Variants in PTPRN2 observed in about 807,000 individuals in gnomAD.
PTPRN2 encodes the protein receptor-type tyrosine-protein phosphatase N2.
In PTPRN2, 74 loss-of-function variants were observed where a neutral mutation model predicts 118.8. That is an observed-to-expected ratio of 0.62 (90% confidence interval 0.52 to 0.76). The LOEUF (loss-of-function observed/expected upper bound fraction) is 0.76. Among genes scored for constraint, PTPRN2 ranks in the 30% least tolerant of loss-of-function variants. The probability of loss-of-function intolerance (pLI) is 0.00; values close to 1 mark genes in which losing one functional copy is unlikely to be tolerated. For synonymous variants in PTPRN2, 641 were observed against 608.0 expected (o/e 1.05, Z -0.80); for missense variants, 1,481 against 1,394.4 (o/e 1.06, Z -0.99).
chr7:158,412,375 C>T (rs1436052348), intron 2 of PTPRN2, among the ~76,000 whole-genome samples: 1 of 111,526 alleles, frequency 9.0e-6, no homozygotes, highest in Admixed American at 8.2e-5. Context: ...ATCTCAGCAC[C>T]CTCCTCAACA....
chr7:157,574,043 C>T (rs998433941), intron 19 of PTPRN2, among the ~76,000 whole-genome samples: 7 of 152,172 alleles, frequency 4.6e-5, no homozygotes, highest in South Asian at 2.1e-4. Context: ...CACAAGAGTT[C>T]ATCCGGTTGA....
At chr7:157,834,889 G>A (rs1807827867) in intron 12 of PTPRN2, among the ~76,000 whole-genome samples, 1 of 152,180 alleles carries the variant, frequency 6.6e-6, no homozygotes, top group South Asian at 2.1e-4. Context: ...CAAAACCAGG[G>A]ATTTTCCTGC....
In PTPRN2 at chr7:157,710,274, C is replaced by T. The variant is rs76133873; in HGVS notation, c.1789-27337G>A. 6.3e-3 allele frequency among the ~76,000 whole-genome samples: 961 copies of T among 152,270 alleles called. 6 individuals are homozygous for T. Among genetic ancestry groups the T allele is most frequent in the African/African-American group, 0.02 (819 of 41,554 alleles). On this transcript the variant is annotated intron_variant, in intron 12 of 22. Transcript: ENST00000389418. The stretch of plus-strand genomic sequence containing the variant: ...AAGAGAATCCTCATTTCTCAGCACA[C>T]GGACTTCTGATGTGAGAAGACAGTG...
At chr7:158,554,624 T>C (rs756054602) in intron 1 of PTPRN2, among the ~76,000 whole-genome samples, 1 of 152,176 alleles carries the variant, frequency 6.6e-6, no homozygotes, top group Non-Finnish European at 1.5e-5. Context: ...TATTTGAGAT[T>C]TGAACAAAAC....
intron 21 of PTPRN2, among the ~76,000 whole-genome samples, chr7:157,552,815 C>T (rs1481327229): frequency 6.6e-6 from 1 of 152,192 alleles, no homozygotes; most frequent in East Asian, 1.9e-4. Flanking sequence ...CGTGCCTATG[C>T]TGGGCCTGGC....
intron 2 of PTPRN2, among the ~76,000 whole-genome samples, chr7:158,479,255 C>T (rs559857849): frequency 6.6e-6 from 1 of 151,976 alleles, no homozygotes; most frequent in Admixed American, 6.6e-5. Flanking sequence ...AGGTACTCAG[C>T]CTGGACTTTC....
intron 11 of PTPRN2, among the ~76,000 whole-genome samples, chr7:158,011,050 C>G (rs73745062): frequency 8.9e-4 from 135 of 152,326 alleles, no homozygotes; most frequent in African/African-American, 3.2e-3. Flanking sequence ...CACCTTGCAC[C>G]TTGCACAGAG....
At chr7:158,227,667 T>C (rs966182280) in intron 3 of PTPRN2, among the ~76,000 whole-genome samples, 1 of 152,188 alleles carries the variant, frequency 6.6e-6, no homozygotes, top group Non-Finnish European at 1.5e-5. Context: ...TTACGGAAGA[T>C]GAATGTGCAG....
At chr7:158,361,966 CCT>C in intron 2 of PTPRN2, among the ~76,000 whole-genome samples, 1 of 151,468 alleles carries the variant, frequency 6.6e-6, no homozygotes, top group East Asian at 1.9e-4. Flanking sequence ...TTCTCTCCTC[CCT>C]TCGTTTCTTG....
chr7:158,328,399 G>T lies in PTPRN2; in HGVS notation c.164-11467C>A, dbSNP rs1803827273. On this transcript the variant is annotated intron_variant, in intron 2 of 22. Transcript: ENST00000389418. Reference sequence around the variant, plus strand: ...GATAAGCCGAGACCCTATATCGCTGGAAATTCCTTTATTTTCAAGGATTTC... The same window carrying T: ...GATAAGCCGAGACCCTATATCGCTGTAAATTCCTTTATTTTCAAGGATTTC... Among the ~76,000 whole-genome samples the T allele has an allele frequency of 2.6e-5, 4 of 152,340 alleles. No individual in the cohort carries two copies. In the South Asian group the frequency reaches 8.3e-4, roughly 32 times the overall value.
intron 2 of PTPRN2, among the ~76,000 whole-genome samples, chr7:158,321,779 TCA>T (rs1491058981): frequency 1.6e-5 from 2 of 128,718 alleles, no homozygotes; most frequent in African/African-American, 5.5e-5. Flanking sequence ...ATCAAAACAC[TCA>T]TGTGTGCAAA....
At chr7:158,374,679 A>G (rs7807819) in intron 2 of PTPRN2, among the ~76,000 whole-genome samples, 2,278 of 152,322 alleles carry the variant, frequency 0.015, 56 homozygotes, top group African/African-American at 0.052. Flanking sequence ...AAGTGGACAG[A>G]TGGAGGCTGG....
intron 2 of PTPRN2, among the ~76,000 whole-genome samples, chr7:158,353,539 A>G (rs1030049184): frequency 1.3e-5 from 2 of 152,200 alleles, no homozygotes; most frequent in African/African-American, 4.8e-5. Flanking sequence ...ACGGCAGGAC[A>G]GGAGCAAGCT....
At chr7:158,511,714 C>A (rs567312371) in intron 1 of PTPRN2, among the ~76,000 whole-genome samples, 1 of 152,228 alleles carries the variant, frequency 6.6e-6, no homozygotes, top group African/African-American at 2.4e-5. Flanking sequence ...GTGCAAGACA[C>A]GGTGGGAGGC....
intron 12 of PTPRN2, among the ~76,000 whole-genome samples, chr7:157,786,485 T>C (rs75463967): frequency 0.018 from 2,723 of 152,316 alleles, 85 homozygotes; most frequent in South Asian, 0.12. Context: ...CTGTCCCAGC[T>C]GTGGATGGCA....
intron 15 of PTPRN2, among the ~76,000 whole-genome samples, chr7:157,613,562 C>T (rs552985625): frequency 2.0e-5 from 3 of 152,202 alleles, no homozygotes; most frequent in African/African-American, 2.4e-5. Context: ...GCGGGCTCCT[C>T]GCTGAGCCGC....
At chr7:157,878,014 G>A (rs1012165876) in intron 12 of PTPRN2, among the ~76,000 whole-genome samples, 4 of 152,362 alleles carry the variant, frequency 2.6e-5, no homozygotes, top group African/African-American at 4.8e-5. Flanking sequence ...TTCTTGATGC[G>A]GAGCGAAGGC....
chr7:157,916,589 T>C (rs1798410444), intron 11 of PTPRN2, among the ~76,000 whole-genome samples: 1 of 152,250 alleles, frequency 6.6e-6, no homozygotes, highest in South Asian at 2.1e-4. Context: ...AAGAGGTGCC[T>C]GGTGCTTCAC....
chr7:158,573,356 T>C (rs1388320170), intron 1 of PTPRN2, among the ~76,000 whole-genome samples: 1 of 152,186 alleles, frequency 6.6e-6, no homozygotes, highest in Non-Finnish European at 1.5e-5. Context: ...CAAACAATTT[T>C]CAGAAAAAGA....
Sources: allele counts gnomAD v4.1 joint callset (sites outside exome capture counted in the v4.1 genomes callset), GRCh38; gene constraint gnomAD v4.1.1; transcripts MANE v1.5; gene names NCBI Gene and HGNC (gene_info 2026-07-23, HGNC 2026-07-21).